Variants in RSRC1 observed in about 807,000 individuals in gnomAD.
RSRC1 encodes arginine and serine rich coiled-coil 1.
In RSRC1, 39 loss-of-function variants were observed where a neutral mutation model predicts 49.1. That is an observed-to-expected ratio of 0.79 (90% confidence interval 0.61 to 1.04). The LOEUF is 1.04. RSRC1 is among the 50% of genes least tolerant of loss of function. RSRC1 has a pLI of 0.00. For synonymous variants in RSRC1, 143 were observed against 130.8 expected (o/e 1.09, Z -0.63); for missense variants, 388 against 402.4 (o/e 0.96, Z 0.31).
chr3:158,435,520 T>A (rs548604352), intron 6 of RSRC1, among the ~76,000 whole-genome samples: 4 of 151,808 alleles, frequency 2.6e-5, no homozygotes, highest in African/African-American at 9.6e-5. Context: ...TGATTTGACA[T>A]ATGATTACTC....
At chr3:158,195,295 T>C (rs1373548077) in intron 3 of RSRC1, among the ~76,000 whole-genome samples, 1 of 152,092 alleles carries the variant, frequency 6.6e-6, no homozygotes, top group Admixed American at 6.6e-5. Context: ...ATAAATGTCT[T>C]CTTTTGAGAA....
Position 158,496,392 on chromosome 3 carries a change from A to T in RSRC1, c.652+35389A>T, listed in dbSNP as rs527266241. Among the ~76,000 whole-genome samples the T allele has an allele frequency of 2.6e-5, 4 of 152,296 alleles. No individual in the cohort carries two copies. In the East Asian group the frequency reaches 7.7e-4, roughly 29 times the overall value. The stretch of plus-strand genomic sequence containing the variant: ...ATAGGGACTAAGGATTGCAGTGCTA[A>T]GAAGTACACCCAGGTGATGCCGATA... On this transcript the variant is annotated intron_variant, in intron 7 of 9. Transcript: ENST00000611884.
At chr3:158,124,962 T>G (rs1197175725) in intron 3 of RSRC1, among the ~76,000 whole-genome samples, 1 of 151,734 alleles carries the variant, frequency 6.6e-6, no homozygotes, top group Admixed American at 6.6e-5. Context: ...AATACAAGCA[T>G]ACACCACCAG....
At chr3:158,437,527 G>A (rs1008199078) in intron 6 of RSRC1, among the ~76,000 whole-genome samples, 6 of 151,998 alleles carry the variant, frequency 3.9e-5, no homozygotes, top group African/African-American at 1.2e-4. Context: ...ATCAATAAAC[G>A]GAATCCATCA....
intron 4 of RSRC1, among the ~76,000 whole-genome samples, chr3:158,215,329 G>T (rs1284261027): frequency 6.9e-6 from 1 of 145,564 alleles, no homozygotes; most frequent in Non-Finnish European, 1.5e-5. Flanking sequence ...TAAATGTAGA[G>T]ACAGGTTTTG....
intron 7 of RSRC1, among the ~76,000 whole-genome samples, chr3:158,506,987 A>G (rs577269526): frequency 2.1e-4 from 32 of 152,220 alleles, no homozygotes; most frequent in African/African-American, 6.5e-4. Context: ...GGAGTCAACC[A>G]AAGTGCCATT....
intron 3 of RSRC1, among the ~76,000 whole-genome samples, chr3:158,202,501 TG>T (rs77193557): frequency 0.021 from 3,001 of 142,892 alleles, 64 homozygotes; most frequent in South Asian, 0.077. Flanking sequence ...AAACCCATGT[TG>T]TTCAAGGGTC....
chr3:158,196,111 T>C (rs1720593183), intron 3 of RSRC1, among the ~76,000 whole-genome samples: 1 of 152,202 alleles, frequency 6.6e-6, no homozygotes, highest in South Asian at 2.1e-4. Context: ...TTCACGATAT[T>C]GATTCTTCCT....
intron 3 of RSRC1, among the ~76,000 whole-genome samples, chr3:158,172,376 A>C (rs1395937670): frequency 1.3e-5 from 2 of 152,198 alleles, no homozygotes; most frequent in Non-Finnish European, 2.9e-5. Flanking sequence ...TTTGCTACTC[A>C]GATATGCATT....
At chr3:158,190,163 C>G (rs931345132) in intron 3 of RSRC1, among the ~76,000 whole-genome samples, 1 of 151,924 alleles carries the variant, frequency 6.6e-6, no homozygotes, top group African/African-American at 2.4e-5. Flanking sequence ...GTGACTTAAT[C>G]AGAATATTCT....
intron 3 of RSRC1, among the ~76,000 whole-genome samples, chr3:158,155,606 T>TC (rs1717822473): frequency 6.6e-6 from 1 of 150,686 alleles, no homozygotes. Flanking sequence ...TACTTTTTTT[T>TC]TTTTTTTTGT....
Position 158,518,144 on chromosome 3 carries a change from A to ATTTTT in RSRC1, c.653-18947_653-18946insTTTTT, listed in dbSNP as rs1179259389. 3.0e-3 allele frequency among the ~76,000 whole-genome samples: 216 copies of ATTTTT among 70,878 alleles called. 6 individuals are homozygous for ATTTTT. The highest frequency in any genetic ancestry group is 0.017 in the African/African-American group (174 of 10,126). 46.5% of individuals were successfully genotyped at this position (70,878 alleles called of 152,430 possible). On this transcript the variant is annotated intron_variant, in intron 7 of 9. Coordinates refer to ENST00000611884, the MANE Select transcript of RSRC1 (RefSeq NM_001271838.2). ...TGTGTGTGTATATATATATATATATATATATTTTTTTTTTTTTTTTTTTTA... is the reference window on the plus strand; with the variant it reads ...TGTGTGTGTATATATATATATATATATTTTTTATATTTTTTTTTTTTTTTTTTTTA...
intron 5 of RSRC1, among the ~76,000 whole-genome samples, chr3:158,339,298 CAAAAAAAA>C (rs57120150): frequency 9.5e-5 from 7 of 73,816 alleles, no homozygotes; most frequent in East Asian, 4.8e-4. Flanking sequence ...GACTCCGTCT[CAAAAAAAA>C]AAAAAAAAAA....
chr3:158,320,136 C>T lies in RSRC1; in HGVS notation c.531+22061C>T, dbSNP rs1489253807. ...TTACATAATGTCCCTTGATTACAAT[C>T]ACTCAGGAGCCTAAGAGGTATTGCT... On this transcript the variant is annotated intron_variant, in intron 5 of 9. Transcript: ENST00000611884. Among the ~76,000 whole-genome samples, 3 of 152,174 alleles carry T rather than the reference C, an allele frequency of 2.0e-5. No homozygotes were observed. The East Asian group carries it at 5.8e-4, about 29-fold the overall frequency.
intron 5 of RSRC1, among the ~76,000 whole-genome samples, chr3:158,321,246 TCTTC>T (rs1339025394): frequency 4.0e-5 from 6 of 148,488 alleles, no homozygotes; most frequent in Non-Finnish European, 8.9e-5. Context: ...TTATTCTCTC[TCTTC>T]CTTCTTCTTC....
intron 5 of RSRC1, among the ~76,000 whole-genome samples, chr3:158,315,530 G>A (rs183975497): frequency 6.6e-6 from 1 of 152,222 alleles, no homozygotes; most frequent in Admixed American, 6.5e-5. Context: ...CCTAGACCAA[G>A]CAGGCTCCAG....
At chr3:158,217,765 T>TGGGG (rs3052855) in intron 4 of RSRC1, among the ~76,000 whole-genome samples, 3 of 141,444 alleles carry the variant, frequency 2.1e-5, no homozygotes, top group East Asian at 2.2e-4. Flanking sequence ...TGTGTGTGTG[T>TGGGG]GGGGGGGGAA....
intron 4 of RSRC1, among the ~76,000 whole-genome samples, chr3:158,260,528 G>A (rs1355523736): frequency 6.6e-6 from 1 of 152,158 alleles, no homozygotes; most frequent in Non-Finnish European, 1.5e-5. Context: ...CCTGGGATTA[G>A]GGGAGGAGTG....
intron 4 of RSRC1, among the ~76,000 whole-genome samples, chr3:158,253,957 G>T (rs36127775): frequency 3.3e-5 from 5 of 151,828 alleles, no homozygotes; most frequent in Non-Finnish European, 7.4e-5. Flanking sequence ...GATGTTCCCC[G>T]CCCTGTGTCC....
Sources: gnomAD v4.1 joint callset for allele counts (sites outside exome capture counted in the v4.1 genomes callset) on GRCh38, gnomAD v4.1.1 for gene constraint, MANE v1.5 for transcripts, NCBI Gene and HGNC (gene_info 2026-07-23, HGNC 2026-07-21) for gene names.